The following PLCB1 variants were observed in gnomAD, a reference collection of about 807,000 sequenced individuals.
The protein encoded by PLCB1 is 1-phosphatidylinositol 4,5-bisphosphate phosphodiesterase beta-1.
In PLCB1, 46 loss-of-function variants were observed where a neutral mutation model predicts 161.8. The ratio of observed to expected loss-of-function variants is 0.28; its 90% CI spans 0.22 to 0.36. PLCB1 has a LOEUF of 0.36. PLCB1 is among the 10% of genes least tolerant of loss of function. PLCB1 has a pLI of 1.00. For synonymous variants in PLCB1, 517 were observed against 503.7 expected (o/e 1.03, Z -0.35); for missense variants, 1,016 against 1,472.5 (o/e 0.69, Z 5.07).
chr20:8,638,983 T>TCC (rs377101341), intron 4 of PLCB1, among the ~76,000 whole-genome samples: 1 of 151,856 alleles, frequency 6.6e-6, no homozygotes, highest in African/African-American at 2.4e-5. Flanking sequence ...TTCTTTTCTT[T>TCC]TTTTCTCATG....
intron 2 of PLCB1, among the ~76,000 whole-genome samples, chr20:8,322,029 C>CAG (rs1384463625): frequency 6.6e-6 from 1 of 152,158 alleles, no homozygotes; most frequent in African/African-American, 2.4e-5. Context: ...AAAAATACCC[C>CAG]AGGTCCATCA....
At chr20:8,364,934 GA>G (rs750435901) in intron 2 of PLCB1, among the ~76,000 whole-genome samples, 2 of 152,134 alleles carry the variant, frequency 1.3e-5, no homozygotes, top group African/African-American at 2.4e-5. Flanking sequence ...CAGGTTTTCA[GA>G]TCTTTTTCTT....
At chr20:8,494,323 AATT>A (rs1347852242) in intron 3 of PLCB1, among the ~76,000 whole-genome samples, 1 of 152,194 alleles carries the variant, frequency 6.6e-6, no homozygotes, top group African/African-American at 2.4e-5. Flanking sequence ...TTTTAGGTTG[AATT>A]ATTATGTGTT....
At chr20:8,234,503 T>C (rs1186612031) in intron 2 of PLCB1, among the ~76,000 whole-genome samples, 3 of 152,142 alleles carry the variant, frequency 2.0e-5, no homozygotes, top group Admixed American at 2.0e-4. Flanking sequence ...TTTACCCTTT[T>C]TGAACTTCTT....
chr20:8,144,954 A>G (rs1568568887), intron 1 of PLCB1, among the ~76,000 whole-genome samples: 1 of 152,202 alleles, frequency 6.6e-6, no homozygotes, highest in East Asian at 1.9e-4. Context: ...AACCTTGGCC[A>G]GGAGACTTTC....
chr20:8,342,650 C>A (rs1985851205), intron 2 of PLCB1, among the ~76,000 whole-genome samples: 3 of 152,312 alleles, frequency 2.0e-5, no homozygotes, highest in African/African-American at 7.2e-5. Context: ...GCGCAAGAGC[C>A]AGTCTGCCTA....
intron 2 of PLCB1, among the ~76,000 whole-genome samples, chr20:8,270,891 C>A (rs1168684667): frequency 6.6e-6 from 1 of 151,992 alleles, no homozygotes; most frequent in African/African-American, 2.4e-5. Flanking sequence ...AATTATGGAG[C>A]CACTGTTACA....
chr20:8,346,243 T>A (rs910726759), intron 2 of PLCB1, among the ~76,000 whole-genome samples: 4 of 152,184 alleles, frequency 2.6e-5, no homozygotes, highest in African/African-American at 9.6e-5. Flanking sequence ...TTTCTCTCCC[T>A]CCATTTTTGC....
rs114712402 is a variant in PLCB1 at position 8,421,934 on chromosome 20, C to A, written c.246+50484C>A. Among the ~76,000 whole-genome samples the A allele has an allele frequency of 4.9e-3, 740 of 152,288 alleles. 9 individuals are homozygous for A. Among genetic ancestry groups the A allele is most frequent in the African/African-American group, 0.017 (695 of 41,568 alleles). ...TCCTTCTGACTCACCATCTTCACTT[C>A]GTTGAAGTTAAAGACCTGCTGAGGA... On this transcript the variant is annotated intron_variant, in intron 3 of 31. Transcript: ENST00000338037.
intron 31 of PLCB1, among the ~76,000 whole-genome samples, chr20:8,839,735 TAA>T (rs71331333): frequency 7.4e-5 from 8 of 108,830 alleles, no homozygotes; most frequent in Admixed American, 6.3e-4. Context: ...TAGTAATTCT[TAA>T]AAAAAAAAAA....
At position 8,308,018 on chromosome 20, in the gene PLCB1, G is replaced by T. The variant is rs1045783243; in HGVS notation, c.178-63364G>T. On this transcript the variant is annotated intron_variant, in intron 2 of 31. Transcript: ENST00000338037. Reference sequence around the variant, plus strand: ...AGCTATTTGTTGTCTGCATTATAGAGAACTTTAAATATCAAAGTAGTTATT... The same window carrying T: ...AGCTATTTGTTGTCTGCATTATAGATAACTTTAAATATCAAAGTAGTTATT... 2.6e-5 allele frequency among the ~76,000 whole-genome samples: 4 copies of T among 151,948 alleles called. 1 individual carries two copies. In the South Asian group the frequency reaches 8.3e-4, roughly 32 times the overall value.
intron 2 of PLCB1, among the ~76,000 whole-genome samples, chr20:8,256,336 C>G (rs1405109303): frequency 6.6e-6 from 1 of 152,118 alleles, no homozygotes; most frequent in Non-Finnish European, 1.5e-5. Flanking sequence ...GTCAGCCATT[C>G]TGCTAAGCCA....
At chr20:8,492,863 TGTG>T (rs1460863937) in intron 3 of PLCB1, among the ~76,000 whole-genome samples, 79 of 152,234 alleles carry the variant, frequency 5.2e-4, no homozygotes, top group Middle Eastern at 6.8e-3. Flanking sequence ...TGTGTGTGTG[TGTG>T]TGTGTGTGCA....
intron 11 of PLCB1, among the ~76,000 whole-genome samples, chr20:8,703,757 C>T (rs1010515905): frequency 1.3e-5 from 2 of 152,124 alleles, no homozygotes; most frequent in East Asian, 3.9e-4. Context: ...AGCATCCCCA[C>T]TGTGGGAAGA....
At chr20:8,254,845 A>G (rs1981329525) in intron 2 of PLCB1, among the ~76,000 whole-genome samples, 1 of 152,110 alleles carries the variant, frequency 6.6e-6, no homozygotes, top group South Asian at 2.1e-4. Context: ...CTTGAATAAT[A>G]AAATTACAGA....
intron 11 of PLCB1, among the ~76,000 whole-genome samples, chr20:8,700,739 C>G (rs1300269427): frequency 6.6e-6 from 1 of 151,602 alleles, no homozygotes; most frequent in Non-Finnish European, 1.5e-5. Flanking sequence ...ATAGACAGTT[C>G]TGGCTGAGAT....
At chr20:8,329,037 A>C (rs942832215) in intron 2 of PLCB1, among the ~76,000 whole-genome samples, 2 of 152,186 alleles carry the variant, frequency 1.3e-5, no homozygotes, top group African/African-American at 4.8e-5. Context: ...GACTTTCCTA[A>C]CTAATTACTA....
rs79350060 is a variant in PLCB1 at position 8,469,083 on chromosome 20, C to A, written c.246+97633C>A. Among the ~76,000 whole-genome samples, 74 of 152,238 alleles carry A rather than the reference C, an allele frequency of 4.9e-4. 3 individuals are homozygous for A. The East Asian group carries it at 0.014, about 29-fold the overall frequency. ...TGACACTACCGTCCTATGGACCACA[C>A]TTTGAGTAGCAAAGCTTTGCAGATG... On this transcript the variant is annotated intron_variant, in intron 3 of 31. Transcript: ENST00000338037.
intron 2 of PLCB1, among the ~76,000 whole-genome samples, chr20:8,280,934 G>A (rs954002154): frequency 6.6e-6 from 1 of 152,198 alleles, no homozygotes. Context: ...GAAAGGATCA[G>A]GAAGCATTAA....
Sources: allele counts gnomAD v4.1 joint callset (sites outside exome capture counted in the v4.1 genomes callset), GRCh38; gene constraint gnomAD v4.1.1; transcripts MANE v1.5; gene names NCBI Gene and HGNC (gene_info 2026-07-23, HGNC 2026-07-21).